Variants in TPRG1 observed in about 807,000 individuals in gnomAD.
TPRG1 encodes the protein tumor protein p63-regulated gene 1 protein.
Under a neutral mutation model 29.3 loss-of-function variants are expected in TPRG1, and 29 were observed. The ratio of observed to expected loss-of-function variants is 0.99; its 90% confidence interval spans 0.74 to 1.35. The LOEUF is 1.35. Ranked by LOEUF, TPRG1 falls within the 40% of genes most tolerant of loss-of-function variation. The pLI is 0.00. For synonymous variants in TPRG1, 130 were observed against 116.8 expected, an observed-to-expected ratio of 1.11 and a Z score of -0.73; for missense variants, 327 against 335.0, an observed-to-expected ratio of 0.98 and a Z score of 0.19.
chr3:189,063,265 C>T (rs2152145659), intron 4 of TPRG1, among the ~76,000 whole-genome samples: 1 of 152,148 alleles, frequency 6.6e-6, no homozygotes, highest in African/African-American at 2.4e-5. Flanking sequence ...AAAGCAAAAA[C>T]TGATAGATTT....
chr3:189,318,814 T>C (rs1255514129), intron 5 of TPRG1, among the ~76,000 whole-genome samples: 1 of 152,162 alleles, frequency 6.6e-6, no homozygotes, highest in African/African-American at 2.4e-5. Context: ...GGTTTAAAAA[T>C]TAATGAATGT....
In TPRG1 at chr3:189,114,268, CTTGTTTGT is replaced by C. The variant is rs138358925; in HGVS notation, c.-743-12766_-743-12759del. On this transcript the variant is annotated intron_variant, in intron 1 of 6. Coordinates refer to the TPRG1 transcript ENST00000412373. ...TGTTGTACCAGGCACCTAGATGTTGCTTGTTTGTTTGTTTGTTTGTTTGTTTGTTTTAA... is the reference window on the plus strand; with the variant it reads ...TGTTGTACCAGGCACCTAGATGTTGCTTGTTTGTTTGTTTGTTTGTTTTAA... Among the ~76,000 whole-genome samples, 30 of 150,692 alleles carry C rather than the reference CTTGTTTGT, an allele frequency of 2.0e-4. 1 individual carries two copies. Among genetic ancestry groups the C allele is most frequent in the East Asian group, 5.9e-4 (3 of 5,052 alleles).
At chr3:189,204,852 A>AT (rs1253330798) in intron 1 of TPRG1, among the ~76,000 whole-genome samples, 1 of 152,014 alleles carries the variant, frequency 6.6e-6, no homozygotes, top group Non-Finnish European at 1.5e-5. Flanking sequence ...GACCTGCATA[A>AT]ATACAGCATG....
intron 1 of TPRG1, among the ~76,000 whole-genome samples, chr3:189,115,075 TC>T (rs1721011907): frequency 6.6e-6 from 1 of 152,240 alleles, no homozygotes; most frequent in Non-Finnish European, 1.5e-5. Context: ...ACACAAGTTC[TC>T]TGACAGGTAG....
chr3:189,025,001 G>A (rs1713581579), intron 4 of TPRG1, among the ~76,000 whole-genome samples: 1 of 152,240 alleles, frequency 6.6e-6, no homozygotes, highest in African/African-American at 2.4e-5. Context: ...GAGGTGCTAT[G>A]GAAGTGGGTC....
chr3:189,122,477 C>A (rs542735159), intron 1 of TPRG1, among the ~76,000 whole-genome samples: 99 of 152,296 alleles, frequency 6.5e-4, no homozygotes, highest in African/African-American at 2.3e-3. Flanking sequence ...TTTAATTTAT[C>A]TTTGAAATCT....
chr3:189,179,007 G>C (rs1729859888), intron 1 of TPRG1, among the ~76,000 whole-genome samples: 1 of 152,104 alleles, frequency 6.6e-6, no homozygotes, highest in Non-Finnish European at 1.5e-5. Flanking sequence ...TAAGACTTCA[G>C]GTTGAACCAT....
Position 189,206,078 on chromosome 3 carries a change from CT to C in TPRG1, c.-9-1293del, listed in dbSNP as rs202046097. On this transcript the variant is annotated intron_variant, in intron 1 of 5. Transcript: ENST00000345063. ...GTCTTTCTTTCTTTTTTCTTTCTTT[CT>C]TTTTCTTTCTTTCTTTCTTTCCTTC... 1.0e-3 allele frequency among the ~76,000 whole-genome samples: 112 copies of C among 107,902 alleles called. 1 individual carries two copies. The South Asian group carries it at 0.037, about 36-fold the overall frequency. 70.8% of individuals were successfully genotyped at this position (107,902 alleles called of 152,430 possible).
At chr3:189,223,447 C>A (rs1737233971) in intron 3 of TPRG1, among the ~76,000 whole-genome samples, 1 of 152,212 alleles carries the variant, frequency 6.6e-6, no homozygotes, top group South Asian at 2.1e-4. Flanking sequence ...TTTTGACAAC[C>A]ACTTAATTAA....
chr3:189,293,105 C>G (rs914836861), intron 4 of TPRG1, among the ~76,000 whole-genome samples: 10 of 152,172 alleles, frequency 6.6e-5, no homozygotes, highest in Admixed American at 2.0e-4. Flanking sequence ...TTAGGCATTT[C>G]TTTTCTTTAA....
rs540511486 is a variant in TPRG1, at chr3:189,127,198, A to T, written c.-602A>T. The T allele has an allele frequency of 5.3e-5, 8 of 152,306 alleles. No homozygotes were observed. The South Asian group carries it at 8.3e-4, about 16-fold the overall frequency. 9.4% of individuals were successfully genotyped at this position (152,306 alleles called of 1,614,324 possible). A position where few individuals can be genotyped will look rare whatever the true frequency, so the allele number is the denominator to read the frequency against. The stretch of plus-strand genomic sequence containing the variant: ...CAGAAGATCCTTGATAATATTTCTG[A>T]TATACCTCCAAGGTGAGTAGAAGGA... On this transcript the variant is annotated 5_prime_UTR_variant, in exon 2 of 7. Transcript: ENST00000412373.
chr3:189,112,593 T>C (rs1275809644), intron 1 of TPRG1, among the ~76,000 whole-genome samples: 1 of 152,242 alleles, frequency 6.6e-6, no homozygotes, highest in Non-Finnish European at 1.5e-5. Context: ...TTTCCACATG[T>C]GGCTAGCCAG....
At chr3:189,311,755 A>G (rs188480648) in intron 5 of TPRG1, among the ~76,000 whole-genome samples, 34 of 152,256 alleles carry the variant, frequency 2.2e-4, no homozygotes, top group Admixed American at 2.1e-3. Flanking sequence ...GCCACTCTTT[A>G]TGGGACACTC....
intron 3 of TPRG1, among the ~76,000 whole-genome samples, chr3:189,008,071 A>G (rs1264605011): frequency 1.3e-5 from 1 of 79,362 alleles, no homozygotes; most frequent in Non-Finnish European, 2.6e-5. Flanking sequence ...AAAGAAAAAA[A>G]AAAAAACGTT....
At chr3:189,214,341 T>A (rs1266283809) in intron 2 of TPRG1, among the ~76,000 whole-genome samples, 1 of 152,172 alleles carries the variant, frequency 6.6e-6, no homozygotes. Flanking sequence ...CCCAAAAAAA[T>A]ACCCATGTTG....
chr3:189,268,257 G>A (rs576686612), intron 4 of TPRG1, among the ~76,000 whole-genome samples: 13 of 152,222 alleles, frequency 8.5e-5, no homozygotes, highest in Admixed American at 2.6e-4. Flanking sequence ...TTTTGGGTGC[G>A]GTGCTGTCCA....
chr3:189,022,336 TTC>T (rs1713368512), intron 3 of TPRG1, among the ~76,000 whole-genome samples: 1 of 146,506 alleles, frequency 6.8e-6, no homozygotes, highest in South Asian at 2.3e-4. Flanking sequence ...AGTTTTTCTG[TTC>T]TGTTTTTTCC....
intron 4 of TPRG1, among the ~76,000 whole-genome samples, chr3:189,304,207 A>G (rs149008638): frequency 1.7e-4 from 25 of 150,814 alleles, no homozygotes; most frequent in Non-Finnish European, 3.1e-4. Flanking sequence ...AAAGGATCTT[A>G]CAAATGATCT....
chr3:189,183,816 C>T (rs920332005), intron 1 of TPRG1, among the ~76,000 whole-genome samples: 1 of 151,602 alleles, frequency 6.6e-6, no homozygotes, highest in Admixed American at 6.6e-5. Context: ...TTTAAACACA[C>T]ATGCTCTACA....
Sources: allele counts gnomAD v4.1 joint callset (sites outside exome capture counted in the v4.1 genomes callset), GRCh38; gene constraint gnomAD v4.1.1; transcripts MANE v1.5; gene names NCBI Gene and HGNC (gene_info 2026-07-23, HGNC 2026-07-21).